RELN: variants seen among roughly 807,000 people sequenced by gnomAD.
RELN encodes reelin.
RELN carries 108 observed loss-of-function variants against 427.6 expected under a neutral mutation model. The observed-to-expected ratio is 0.25, with a 90% CI of 0.22 to 0.30. The LOEUF (loss-of-function observed/expected upper bound fraction) is 0.30. Among genes scored for constraint, RELN ranks in the 10% least tolerant of loss-of-function variants. The pLI is 1.00. For missense variants in RELN, 3,715 were observed against 4,302.8 expected, an observed-to-expected ratio of 0.86 and a Z score of 3.82; for synonymous variants, 1,524 against 1,513.4, an observed-to-expected ratio of 1.01 and a Z score of -0.16.
chr7:103,564,646 C>T (rs990088975), intron 34 of RELN, among the ~76,000 whole-genome samples: 3 of 151,912 alleles, frequency 2.0e-5, no homozygotes, highest in African/African-American at 7.3e-5. Flanking sequence ...GAAATGCAGC[C>T]TGCCATTCAG....
At chr7:103,854,956 G>A (rs1169588839) in intron 2 of RELN, among the ~76,000 whole-genome samples, 1 of 152,220 alleles carries the variant, frequency 6.6e-6, no homozygotes. Context: ...ATTATTTTGT[G>A]AGACCAAAGA....
intron 3 of RELN, among the ~76,000 whole-genome samples, chr7:103,786,830 C>G (rs1792029529): frequency 1.3e-5 from 2 of 152,164 alleles, no homozygotes; most frequent in Admixed American, 6.5e-5. Flanking sequence ...AGGACTTGAA[C>G]TCAGTCCTGG....
At chr7:103,763,845 A>T in intron 4 of RELN, among the ~76,000 whole-genome samples, 1 of 152,006 alleles carries the variant, frequency 6.6e-6, no homozygotes, top group East Asian at 1.9e-4. Flanking sequence ...GAGGGCAGTT[A>T]TAGGGTTTGA....
At position 103,828,800 on chromosome 7, in the gene RELN, T is replaced by G. The variant is rs150877991; in HGVS notation, c.473+4737A>C. Among the ~76,000 whole-genome samples, 650 of 152,098 alleles carry G rather than the reference T, an allele frequency of 4.3e-3. 4 individuals are homozygous for G. The highest frequency in any genetic ancestry group is 0.015 in the African/African-American group (618 of 41,542). Reference sequence around the variant, plus strand: ...ATTCAATAATATTTCTATATTCATATAGAGATAGATTTCAAAAGTAGATAG... The same window carrying G: ...ATTCAATAATATTTCTATATTCATAGAGAGATAGATTTCAAAAGTAGATAG... On this transcript the variant is annotated intron_variant, in intron 3 of 64. Transcript: ENST00000428762.
chr7:103,604,638 C>T (rs188321968), intron 22 of RELN, among the ~76,000 whole-genome samples, 155 bp from the exon 23 acceptor site: 2 of 152,204 alleles, frequency 1.3e-5, no homozygotes, highest in East Asian at 3.9e-4. Context: ...CAATTATTGT[C>T]CAATGCAACA....
At chr7:103,907,657 C>T (rs1443347143) in intron 2 of RELN, among the ~76,000 whole-genome samples, 1 of 151,528 alleles carries the variant, frequency 6.6e-6, no homozygotes, top group African/African-American at 2.4e-5. Flanking sequence ...TGTGAATATA[C>T]TGCAAATCAT....
At chr7:103,898,213 G>A (rs965667992) in intron 2 of RELN, among the ~76,000 whole-genome samples, 1 of 151,832 alleles carries the variant, frequency 6.6e-6, no homozygotes, top group Non-Finnish European at 1.5e-5. Flanking sequence ...GGTATTTGAA[G>A]AAGGAAGGTA....
At chr7:103,492,686 G>A (rs1187098636) in intron 57 of RELN, among the ~76,000 whole-genome samples, 3 of 152,152 alleles carry the variant, frequency 2.0e-5, no homozygotes, top group Non-Finnish European at 4.4e-5. Flanking sequence ...TTCAGAGAGA[G>A]AATAAGAAGC....
At chr7:103,919,131 GTCTTTTT>G (rs1295645778) in intron 1 of RELN, among the ~76,000 whole-genome samples, 1 of 138,988 alleles carries the variant, frequency 7.2e-6, no homozygotes, top group Admixed American at 7.2e-5. Flanking sequence ...CTGATAATCG[GTCTTTTT>G]TTTTTTTTTT....
At chr7:103,878,746 T>G (rs1223535235) in intron 2 of RELN, among the ~76,000 whole-genome samples, 8 of 152,186 alleles carry the variant, frequency 5.3e-5, no homozygotes, top group Non-Finnish European at 1.2e-4. Flanking sequence ...AATGTCTAAT[T>G]TATTTCCTTG....
chr7:103,615,958 C>A (rs1253875502), intron 20 of RELN, among the ~76,000 whole-genome samples: 2 of 152,166 alleles, frequency 1.3e-5, no homozygotes, highest in African/African-American at 4.8e-5. Flanking sequence ...GGCAGACACA[C>A]ATAGCCAAAG....
At chr7:103,753,129 A>G in intron 5 of RELN, 53 bp downstream of exon 5, 2 of 1,592,782 alleles carry the variant, frequency 1.3e-6, no homozygotes, top group Non-Finnish European at 1.7e-6. Context: ...CAGAAAAGCC[A>G]AACAAGTAGA....
At chr7:103,619,559 G>A (rs1218419553) in intron 20 of RELN, among the ~76,000 whole-genome samples, 1 of 152,174 alleles carries the variant, frequency 6.6e-6, no homozygotes, top group Non-Finnish European at 1.5e-5. Context: ...TGAGATCATG[G>A]TTTCAAAGAT....
intron 3 of RELN, among the ~76,000 whole-genome samples, chr7:103,816,839 T>C (rs1792884289): frequency 6.6e-6 from 1 of 152,018 alleles, no homozygotes; most frequent in South Asian, 2.1e-4. Flanking sequence ...GCTCAGATTA[T>C]TTTTCCTTGC....
chr7:103,876,594 G>C (rs1400514663), intron 2 of RELN, among the ~76,000 whole-genome samples: 1 of 151,990 alleles, frequency 6.6e-6, no homozygotes, highest in Non-Finnish European at 1.5e-5. Context: ...AGCATTAATA[G>C]GGTAAAGCCT....
chr7:103,766,530 T>C (rs192539835), intron 4 of RELN, among the ~76,000 whole-genome samples: 7 of 152,328 alleles, frequency 4.6e-5, no homozygotes, highest in Admixed American at 2.6e-4. Flanking sequence ...ATTTTTACAA[T>C]AGTTGGGTAT....
At chr7:103,876,488 C>A (rs946868128) in intron 2 of RELN, among the ~76,000 whole-genome samples, 3 of 148,426 alleles carry the variant, frequency 2.0e-5, no homozygotes, top group African/African-American at 7.3e-5. Flanking sequence ...ATATAAAGCA[C>A]AAAATACTAT....
At chr7:103,702,722 G>T (rs1834120119) in intron 8 of RELN, among the ~76,000 whole-genome samples, 1 of 152,100 alleles carries the variant, frequency 6.6e-6, no homozygotes. Context: ...TTTGTTGAAT[G>T]CATCTCTTCC....
rs1337594985 is a variant in RELN at position 103,926,640 on chromosome 7, T to G, written c.227-9455A>C. Among the ~76,000 whole-genome samples, 5 of 28,092 alleles carry G rather than the reference T, an allele frequency of 1.8e-4. No homozygotes were observed. The South Asian group carries it at 6.8e-3, about 38-fold the overall frequency. 18.4% of individuals were successfully genotyped at this position (28,092 alleles called of 152,430 possible). ...AAAGTATCATAAGTTTTTTTTTTTTTTTTTTTTTTTTTTTTTTTTTTTGAG... is the reference window on the plus strand; with the variant it reads ...AAAGTATCATAAGTTTTTTTTTTTTGTTTTTTTTTTTTTTTTTTTTTTGAG... On this transcript the variant is annotated intron_variant, in intron 1 of 64. Coordinates refer to ENST00000428762, the MANE Select transcript of RELN (RefSeq NM_005045.4).
Sources: gnomAD v4.1 joint callset for allele counts (sites outside exome capture counted in the v4.1 genomes callset) on GRCh38, gnomAD v4.1.1 for gene constraint, MANE v1.5 for transcripts, NCBI Gene and HGNC (gene_info 2026-07-23, HGNC 2026-07-21) for gene names.